PER3: variants seen among roughly 807,000 people sequenced by gnomAD.
The protein encoded by PER3 is period circadian regulator 3, also known as period circadian protein homolog 3.
A neutral mutation model predicts 127.2 loss-of-function variants in PER3; 107 were observed. The observed-to-expected ratio is 0.84, with a 90% CI of 0.72 to 0.99. The LOEUF is 0.99. Ranked by LOEUF, PER3 falls within the 50% of genes least tolerant of loss-of-function variation. The probability of loss-of-function intolerance (pLI) is 0.00; values close to 1 mark genes in which losing one functional copy is unlikely to be tolerated. For synonymous variants in PER3, 618 were observed against 585.8 expected (o/e 1.05, Z -0.79); for missense variants, 1,560 against 1,525.8 (o/e 1.02, Z -0.37).
intron 5 of PER3, among the ~76,000 whole-genome samples, chr1:7,789,269 A>C (rs1455827418): frequency 6.6e-6 from 1 of 152,116 alleles, no homozygotes; most frequent in Non-Finnish European, 1.5e-5. Context: ...TCCCCACCCA[A>C]ATCTCATGTT....
chr1:7,823,050 G>T (rs1577876512), intron 16 of PER3, among the ~76,000 whole-genome samples: 1 of 152,056 alleles, frequency 6.6e-6, no homozygotes, highest in Non-Finnish European at 1.5e-5. Context: ...TCCAGCTGAG[G>T]GACAGAGCAA....
intron 3 of PER3, 82 bp downstream of exon 3, chr1:7,785,668 C>CA (rs1241077390): frequency 8.6e-7 from 1 of 1,156,704 alleles, no homozygotes; most frequent in Non-Finnish European, 1.3e-6. Context: ...AGTGGGGTCT[C>CA]AGTCAGACAA....
In PER3 at chr1:7,809,533, C is replaced by T. The variant is rs1326171416; in HGVS notation, c.1243-360C>T. Among the ~76,000 whole-genome samples the T allele has an allele frequency of 3.3e-5, 5 of 152,106 alleles. No individual in the cohort carries two copies. The East Asian group carries it at 9.6e-4, about 29-fold the overall frequency. ...TCTCTAGGGTGCATGAAATACCTGCCACGTTCTTGGAAAAAGTATAATATA... is the reference window on the plus strand; with the variant it reads ...TCTCTAGGGTGCATGAAATACCTGCTACGTTCTTGGAAAAAGTATAATATA... On this transcript the variant is annotated intron_variant, in intron 11 of 21. Transcript: ENST00000377532.
chr1:7,791,126 CTGTG>C (rs1491551331), intron 5 of PER3, among the ~76,000 whole-genome samples: 1 of 152,240 alleles, frequency 6.6e-6, no homozygotes, highest in African/African-American at 2.4e-5. Flanking sequence ...CCAGTGAAGA[CTGTG>C]TGGGCTCCGA....
intron 6 of PER3, among the ~76,000 whole-genome samples, chr1:7,795,099 G>A (rs1013389850): frequency 2.0e-5 from 3 of 152,036 alleles, no homozygotes; most frequent in Non-Finnish European, 1.5e-5. Context: ...CTGGATGCTT[G>A]GGGGGGACGG....
chr1:7,788,261 G>GAA lies in PER3; in HGVS notation c.592+15_592+16insAA. The GAA allele has an allele frequency of 6.4e-7, 1 of 1,551,454 alleles. No individual in the cohort carries two copies. Among genetic ancestry groups the GAA allele is most frequent in the Non-Finnish European group, 8.9e-7 (1 of 1,122,858 alleles). Reference sequence around the variant, plus strand: ...GACCCAAAGAGGTAACAGGACCAATGTTCAGATGTCTATCTTTCCTCATCA... The same window carrying GAA: ...GACCCAAAGAGGTAACAGGACCAATGAATTCAGATGTCTATCTTTCCTCATCA... On this transcript the variant is annotated intron_variant, in intron 5 of 21. Coordinates refer to ENST00000377532, the MANE Select transcript of PER3 (RefSeq NM_001377275.1).
Position 7,843,824 on chromosome 1 carries a change from T to G in PER3, c.*1069T>G. 1.1e-6 allele frequency: 1 copy of G among 915,016 alleles called. No homozygotes were observed. Among genetic ancestry groups the G allele is most frequent in the Non-Finnish European group, 1.4e-6 (1 of 699,428 alleles). The allele number at this position is 915,016 out of a possible 1,614,324, so 56.7% of individuals were successfully genotyped here. On this transcript the variant is annotated 3_prime_UTR_variant, in exon 22 of 22. Transcript: ENST00000377532. ...CCATCAGTCACCGCTTTCTATGGCG[T>G]TTGTAGTTGTGTCTTTTAAGAAGTG...
chr1:7,838,531 C>G (rs1335160144), intron 21 of PER3, among the ~76,000 whole-genome samples: 2 of 152,178 alleles, frequency 1.3e-5, no homozygotes, highest in African/African-American at 4.8e-5. Context: ...GCCTCAGCCT[C>G]CAGAGTAGGT....
At chr1:7,821,834 T>A (rs1479889104) in intron 16 of PER3, among the ~76,000 whole-genome samples, 1 of 152,248 alleles carries the variant, frequency 6.6e-6, no homozygotes, top group East Asian at 1.9e-4. Context: ...CATATCTCTA[T>A]GTCTTTTGCT....
At position 7,821,618 on chromosome 1, in the gene PER3, C is replaced by T. The variant is rs116423699; in HGVS notation, c.1957+978C>T. On this transcript the variant is annotated intron_variant, in intron 16 of 21. Coordinates refer to ENST00000377532, the MANE Select transcript of PER3 (RefSeq NM_001377275.1). ...GGAGGGTATCACCCAATATGAAAAG[C>T]TCTTTTTTTTATATTCTGCCACTCT... Among the ~76,000 whole-genome samples, 354 of 152,168 alleles carry T rather than the reference C, an allele frequency of 2.3e-3. 3 individuals carry two copies. Among genetic ancestry groups the T allele is most frequent in the African/African-American group, 8.1e-3 (335 of 41,510 alleles).
intron 13 of PER3, among the ~76,000 whole-genome samples, chr1:7,813,867 AGAGAG>A (rs2097233200): frequency 1.3e-5 from 2 of 152,338 alleles, no homozygotes; most frequent in South Asian, 4.1e-4. Flanking sequence ...AACAAGACTC[AGAGAG>A]GACACAGAAG....
At chr1:7,839,282 TTG>T (rs1200000531) in intron 21 of PER3, among the ~76,000 whole-genome samples, 1 of 152,230 alleles carries the variant, frequency 6.6e-6, no homozygotes. Flanking sequence ...TTTTTATACG[TTG>T]TGTTTCCAAA....
intron 20 of PER3, 47 bp downstream of exon 20, chr1:7,835,992 CTTTTTTTCT>C (rs560061421): frequency 1.2e-4 from 159 of 1,318,160 alleles, no homozygotes; most frequent in African/African-American, 9.2e-4. Context: ...TTTGTGGTTT[CTTTTTTTCT>C]TTTTTTTCTT....
At chr1:7,799,612 A>C (rs1319662244) in intron 7 of PER3, among the ~76,000 whole-genome samples, 1 of 34,280 alleles carries the variant, frequency 2.9e-5, no homozygotes, top group African/African-American at 8.1e-5. Flanking sequence ...CTCTGTCTCA[A>C]AAAAAAAAAA....
In PER3 at chr1:7,844,129, G is replaced by A; in HGVS notation, c.*1374G>A. 2 of 275,674 alleles carry A rather than the reference G, an allele frequency of 7.3e-6. No individual in the cohort carries two copies. Among genetic ancestry groups the A allele is most frequent in the South Asian group, 5.5e-5 (1 of 18,088 alleles). The allele number at this position is 275,674 out of a possible 1,614,324, so 17.1% of individuals were successfully genotyped here. Reference sequence around the variant, plus strand: ...TTACAGCTTTTTGTAAATGCGTCCTGATAATGATTAGGAAAATCGACCTTT... The same window carrying A: ...TTACAGCTTTTTGTAAATGCGTCCTAATAATGATTAGGAAAATCGACCTTT... On this transcript the variant is annotated 3_prime_UTR_variant, in exon 22 of 22. Transcript: ENST00000377532.
Position 7,803,134 on chromosome 1 carries a change from G to A in PER3, c.960G>A (p.Met320Ile). 1 of 1,607,870 alleles carries A rather than the reference G, an allele frequency of 6.2e-7. No individual in the cohort carries two copies. Among genetic ancestry groups the A allele is most frequent in the Non-Finnish European group, 8.5e-7 (1 of 1,174,402 alleles). The change falls in exon 9 of 22, where the codon ATG (methionine) becomes ATA (isoleucine). Residue 320 changes from methionine (M) to isoleucine (I), a missense_variant. This residue lies in a region of PER3 where 1,332 missense variants were observed against 1,223.6 expected (regional missense o/e 1.09). Transcript: ENST00000377532. ...SYLHPEDRSL[M>I]VAIHQKVLKY... ...TGCACCCTGAAGATCGTTCTCTGAT[G>A]GTTGCCATACACCAAAAAGGTCAGG...
chr1:7,789,985 CATTT>C (rs1192816000), intron 5 of PER3, among the ~76,000 whole-genome samples: 2 of 152,158 alleles, frequency 1.3e-5, no homozygotes, highest in East Asian at 1.9e-4. Flanking sequence ...ATTCCGTAAA[CATTT>C]ATTTAATAAT....
Position 7,837,130 on chromosome 1 carries a change from C to T in PER3, c.3530C>T (p.Thr1177Ile). 1 of 1,613,306 alleles carries T rather than the reference C, an allele frequency of 6.2e-7. No individual in the cohort carries two copies. The highest frequency in any genetic ancestry group is 8.5e-7 in the Non-Finnish European group (1 of 1,179,742). The change falls in exon 21 of 22, where the codon ACT (threonine) becomes ATT (isoleucine). Residue 1177 changes from threonine (T) to isoleucine (I), a missense_variant. By Grantham distance (89) the Thr-to-Ile change is moderately conservative. This residue lies in a region of PER3 where 199 missense variants were observed against 198.6 expected (regional missense o/e 1.00). Transcript: ENST00000377532. ...VYNWIQSQTV[T>I]QEIDIQACVT... ...AATTGGATTCAAAGCCAGACTGTCA[C>T]TCAAGAAATCGACATTCAAGTAAGC...
At chr1:7,785,152 G>A in intron 2 of PER3, 147 bp downstream of exon 2, 4 of 896,922 alleles carry the variant, frequency 4.5e-6, no homozygotes, top group Non-Finnish European at 6.7e-6. Flanking sequence ...AGGATGAAGT[G>A]ATCCGTGACA....
Sources: gnomAD v4.1 joint callset for allele counts (sites outside exome capture counted in the v4.1 genomes callset) on GRCh38, gnomAD v4.1.1 for gene constraint, gnomAD v4.1.1 regional missense constraint, MANE v1.5 for transcripts, NCBI Gene and HGNC (gene_info 2026-07-23, HGNC 2026-07-21) for gene names.